Variants in CTNNA3 observed in about 807,000 individuals in gnomAD.
CTNNA3 encodes catenin alpha 3, also known as catenin alpha-3.
Under a neutral mutation model 95.7 loss-of-function variants are expected in CTNNA3, and 76 were observed. That is an observed-to-expected ratio of 0.79 (90% confidence interval 0.66 to 0.96). The LOEUF (loss-of-function observed/expected upper bound fraction) is 0.96. Ranked by LOEUF, CTNNA3 falls within the 40% of genes least tolerant of loss-of-function variation. The pLI is 0.00. For missense variants in CTNNA3, 1,191 were observed against 1,089.8 expected (o/e 1.09, Z -1.31); for synonymous variants, 431 against 374.4 (o/e 1.15, Z -1.74).
intron 14 of CTNNA3, among the ~76,000 whole-genome samples, chr10:66,070,976 CA>C (rs199954380): frequency 0.032 from 4,801 of 152,188 alleles, 102 homozygotes; most frequent in East Asian, 0.066. Context: ...TCCTTTTTCT[CA>C]GGGGGAACAA....
chr10:67,536,840 T>G (rs58521473), intron 4 of CTNNA3, among the ~76,000 whole-genome samples: 2,085 of 152,218 alleles, frequency 0.014, 55 homozygotes, highest in African/African-American at 0.047. Flanking sequence ...CAAAGCATGC[T>G]CTACAGAATA....
intron 1 of CTNNA3, among the ~76,000 whole-genome samples, chr10:67,762,590 G>A (rs1356963224): frequency 6.6e-6 from 1 of 152,232 alleles, no homozygotes; most frequent in East Asian, 1.9e-4. Context: ...AAAATACAAC[G>A]AGTAAAATTA....
intron 9 of CTNNA3, among the ~76,000 whole-genome samples, chr10:66,725,826 T>C (rs1031691633): frequency 6.6e-6 from 1 of 152,132 alleles, no homozygotes; most frequent in Non-Finnish European, 1.5e-5. Flanking sequence ...TCAGATATTG[T>C]AACACAATGA....
intron 5 of CTNNA3, among the ~76,000 whole-genome samples, chr10:67,408,470 A>G (rs2132829516): frequency 6.6e-6 from 1 of 152,286 alleles, no homozygotes; most frequent in East Asian, 1.9e-4. Context: ...AACCTGACAA[A>G]AATGAGGAAT....
chr10:65,954,662 G>A (rs1294947695), intron 17 of CTNNA3, among the ~76,000 whole-genome samples: 12 of 152,078 alleles, frequency 7.9e-5, no homozygotes, highest in African/African-American at 2.7e-4. Context: ...CCCATTTCTT[G>A]TTTTTGTCAG....
chr10:67,517,881 GTA>G (rs1839870975), intron 5 of CTNNA3, among the ~76,000 whole-genome samples: 1 of 152,034 alleles, frequency 6.6e-6, no homozygotes, highest in Non-Finnish European at 1.5e-5. Flanking sequence ...CAGCACAGAA[GTA>G]TACAAAATAA....
chr10:66,634,318 T>C (rs1845260711), intron 9 of CTNNA3, among the ~76,000 whole-genome samples: 1 of 152,066 alleles, frequency 6.6e-6, no homozygotes, highest in Non-Finnish European at 1.5e-5. Context: ...AATGATTACA[T>C]AGAAAAAAAT....
intron 5 of CTNNA3, among the ~76,000 whole-genome samples, chr10:67,441,849 G>GT (rs769089042): frequency 2.6e-5 from 4 of 152,088 alleles, no homozygotes; most frequent in Non-Finnish European, 5.9e-5. Flanking sequence ...ATCATAAGAA[G>GT]TCATCTGAAG....
chr10:66,237,152 A>G (rs2089895452), intron 13 of CTNNA3, among the ~76,000 whole-genome samples: 1 of 152,130 alleles, frequency 6.6e-6, no homozygotes, highest in African/African-American at 2.4e-5. Context: ...CAAAAAAAGA[A>G]TATGAAATAT....
At chr10:67,079,989 G>A (rs1856966814) in intron 7 of CTNNA3, among the ~76,000 whole-genome samples, 2 of 151,992 alleles carry the variant, frequency 1.3e-5, no homozygotes, top group Admixed American at 1.3e-4. Flanking sequence ...GTTAGAGGAG[G>A]GTGGTTGTAC....
chr10:67,363,895 A>G (rs1158443947), intron 5 of CTNNA3, among the ~76,000 whole-genome samples: 16 of 152,246 alleles, frequency 1.1e-4, no homozygotes, highest in Non-Finnish European at 1.5e-5. Flanking sequence ...TTCCAGAGGT[A>G]CAAAGAAGAG....
rs149602923 is a variant in CTNNA3 at position 66,801,208 on chromosome 10, C to A, written c.1048-25684G>T. On this transcript the variant is annotated intron_variant, in intron 7 of 17. Transcript: ENST00000433211. ...TACAAAGAAAAAATGTCTCACACAT[C>A]GTGATTTACAGACAACAAAATAAAA... Among the ~76,000 whole-genome samples, 23 of 151,370 alleles carry A rather than the reference C, an allele frequency of 1.5e-4. No homozygotes were observed. The East Asian group carries it at 4.5e-3, about 29-fold the overall frequency.
intron 3 of CTNNA3, among the ~76,000 whole-genome samples, chr10:67,598,947 A>G (rs117865120): frequency 6.6e-6 from 1 of 152,190 alleles, no homozygotes; most frequent in African/African-American, 2.4e-5. Context: ...AATACTCATA[A>G]GGAAAAAAAA....
chr10:66,160,487 C>T lies in CTNNA3; in HGVS notation c.1885-57238G>A, dbSNP rs531319928. Among the ~76,000 whole-genome samples the T allele has an allele frequency of 2.0e-5, 3 of 152,008 alleles. 1 individual carries two copies. Among genetic ancestry groups the T allele is most frequent in the African/African-American group, 7.2e-5 (3 of 41,510 alleles). ...ATTTAATTTCCATATATTTGCATGG[C>T]TTTGAAGGTTCCTTTTGGAGTTGAT... On this transcript the variant is annotated intron_variant, in intron 13 of 17. Coordinates refer to ENST00000433211, the MANE Select transcript of CTNNA3 (RefSeq NM_013266.4).
At chr10:67,265,709 A>G (rs575255219) in intron 5 of CTNNA3, among the ~76,000 whole-genome samples, 4 of 152,318 alleles carry the variant, frequency 2.6e-5, no homozygotes, top group Middle Eastern at 3.4e-3. Context: ...AAGGAAAAAA[A>G]GTGGATTAAT....
At chr10:66,247,849 A>G (rs1289463033) in intron 13 of CTNNA3, among the ~76,000 whole-genome samples, 1 of 152,192 alleles carries the variant, frequency 6.6e-6, no homozygotes, top group African/African-American at 2.4e-5. Flanking sequence ...TTCTACAGGG[A>G]GTTCTTCAAT....
At chr10:66,280,403 G>T in intron 13 of CTNNA3, 67 bp downstream of exon 13, 2 of 1,364,864 alleles carry the variant, frequency 1.5e-6, no homozygotes, top group Non-Finnish European at 2.0e-6. Context: ...ATTTCTTGCA[G>T]TCATCCCAGG....
chr10:67,350,921 T>TAC (rs765365887), intron 5 of CTNNA3, among the ~76,000 whole-genome samples: 31 of 149,736 alleles, frequency 2.1e-4, no homozygotes, highest in Non-Finnish European at 4.2e-4. Flanking sequence ...TATATATATA[T>TAC]ATATATATAT....
intron 15 of CTNNA3, among the ~76,000 whole-genome samples, chr10:65,997,183 C>A (rs1416465223): frequency 6.6e-6 from 1 of 152,050 alleles, no homozygotes; most frequent in Non-Finnish European, 1.5e-5. Flanking sequence ...GAGGAGTTAC[C>A]CCAAGACTTA....
Sources: gnomAD v4.1 joint callset for allele counts (sites outside exome capture counted in the v4.1 genomes callset) on GRCh38, gnomAD v4.1.1 for gene constraint, MANE v1.5 for transcripts, NCBI Gene and HGNC (gene_info 2026-07-23, HGNC 2026-07-21) for gene names.